MLLT3: variants seen among roughly 807,000 people sequenced by gnomAD.
MLLT3 encodes MLLT3 super elongation complex subunit.
Under a neutral mutation model 53.2 loss-of-function variants are expected in MLLT3, and 4 were observed. The ratio of observed to expected loss-of-function variants is 0.08; its 90% CI spans 0.04 to 0.17. The LOEUF is 0.17. Ranked by LOEUF, MLLT3 falls within the 10% of genes least tolerant of loss-of-function variation. The pLI is 1.00. For synonymous variants in MLLT3, 283 were observed against 230.6 expected (o/e 1.23, Z -2.06); for missense variants, 569 against 684.0 (o/e 0.83, Z 1.87).
chr9:20,372,477 A>G (rs1365424008), intron 5 of MLLT3, among the ~76,000 whole-genome samples: 1 of 151,524 alleles, frequency 6.6e-6, no homozygotes, highest in Non-Finnish European at 1.5e-5. Context: ...GGCTCACTGC[A>G]AGTTCGTTCA....
intron 5 of MLLT3, among the ~76,000 whole-genome samples, chr9:20,393,570 G>C (rs986245152): frequency 1.3e-5 from 2 of 152,162 alleles, no homozygotes; most frequent in African/African-American, 4.8e-5. Flanking sequence ...TTAAATACAG[G>C]TCTGAATGTT....
At chr9:20,436,704 C>T (rs1482769188) in intron 4 of MLLT3, among the ~76,000 whole-genome samples, 2 of 152,128 alleles carry the variant, frequency 1.3e-5, no homozygotes, top group Non-Finnish European at 2.9e-5. Context: ...TGACTGATTT[C>T]AGTATTTGAT....
At chr9:20,458,992 T>C (rs1260101143) in intron 2 of MLLT3, among the ~76,000 whole-genome samples, 3 of 152,096 alleles carry the variant, frequency 2.0e-5, no homozygotes, top group Non-Finnish European at 4.4e-5. Context: ...CAGCCCTGGA[T>C]TGAATATTCT....
chr9:20,470,200 GA>G (rs150819069), intron 2 of MLLT3, among the ~76,000 whole-genome samples: 17,549 of 151,846 alleles, frequency 0.12, 1,397 homozygotes, highest in East Asian at 0.2. Flanking sequence ...CTTCAAAATG[GA>G]AATACAAACT....
chr9:20,460,970 G>T (rs370752489), intron 2 of MLLT3, among the ~76,000 whole-genome samples: 1 of 152,148 alleles, frequency 6.6e-6, no homozygotes, highest in African/African-American at 2.4e-5. Context: ...TGGGCCAGAA[G>T]ATCTCTAAGG....
At chr9:20,527,937 G>C (rs1818242916) in intron 2 of MLLT3, among the ~76,000 whole-genome samples, 1 of 152,174 alleles carries the variant, frequency 6.6e-6, no homozygotes, top group African/African-American at 2.4e-5. Flanking sequence ...CAGAAATGAG[G>C]AAAGTGTTAC....
intron 2 of MLLT3, among the ~76,000 whole-genome samples, chr9:20,526,040 T>A (rs772930245): frequency 1.3e-5 from 2 of 152,050 alleles, no homozygotes; most frequent in African/African-American, 4.8e-5. Flanking sequence ...ATGTTCAAGA[T>A]CAGAAAATAC....
At chr9:20,536,803 T>C (rs1294089522) in intron 2 of MLLT3, among the ~76,000 whole-genome samples, 2 of 151,544 alleles carry the variant, frequency 1.3e-5, no homozygotes, top group Non-Finnish European at 2.9e-5. Flanking sequence ...CTATTTTTTC[T>C]CCACTCCAGT....
At chr9:20,359,216 C>T (rs912632403) in intron 8 of MLLT3, among the ~76,000 whole-genome samples, 1 of 146,790 alleles carries the variant, frequency 6.8e-6, no homozygotes, top group African/African-American at 2.5e-5. Context: ...CTAGTTCTCA[C>T]TGAAGCACAA....
intron 4 of MLLT3, among the ~76,000 whole-genome samples, chr9:20,425,290 T>A (rs757677363): frequency 6.6e-6 from 1 of 152,154 alleles, no homozygotes; most frequent in South Asian, 2.1e-4. Flanking sequence ...GCATAGCATA[T>A]AGTTAGGAAA....
At chr9:20,347,650 G>A (rs527631917) in intron 10 of MLLT3, among the ~76,000 whole-genome samples, 8 of 152,246 alleles carry the variant, frequency 5.3e-5, no homozygotes, top group Non-Finnish European at 7.4e-5. Context: ...TATCTGGGCA[G>A]TGTATTGGGC....
chr9:20,458,864 T>C (rs1824038748), intron 2 of MLLT3, among the ~76,000 whole-genome samples: 1 of 152,164 alleles, frequency 6.6e-6, no homozygotes, highest in Admixed American at 6.5e-5. Flanking sequence ...AGTAAGTGAC[T>C]GAAGCCAGGG....
At position 20,570,023 on chromosome 9, in the gene MLLT3, T is replaced by C. The variant is rs368140325; in HGVS notation, c.193+50631A>G. 5.1e-4 allele frequency among the ~76,000 whole-genome samples: 77 copies of C among 152,326 alleles called. 2 individuals carry two copies. The South Asian group carries it at 0.016, about 31-fold the overall frequency. On this transcript the variant is annotated intron_variant, in intron 2 of 10. Transcript: ENST00000380338. ...AACACAACAGCATCTATTCTATAAA[T>C]GAAAGATCCTCAAACTGTGGGGATT...
At chr9:20,437,447 G>T (rs754499265) in intron 4 of MLLT3, among the ~76,000 whole-genome samples, 21 of 152,038 alleles carry the variant, frequency 1.4e-4, no homozygotes, top group Non-Finnish European at 2.4e-4. Flanking sequence ...TAAAAAAGAA[G>T]AGATTTCAGA....
At chr9:20,531,799 G>T (rs142266378) in intron 2 of MLLT3, among the ~76,000 whole-genome samples, 1 of 152,188 alleles carries the variant, frequency 6.6e-6, no homozygotes, top group Non-Finnish European at 1.5e-5. Flanking sequence ...GGGAAAGGAT[G>T]ATTTGAAGAC....
At chr9:20,450,104 G>A (rs957780021) in intron 3 of MLLT3, among the ~76,000 whole-genome samples, 3 of 152,064 alleles carry the variant, frequency 2.0e-5, no homozygotes, top group Non-Finnish European at 2.9e-5. Context: ...CTGTTATCTT[G>A]GAATACAGCA....
intron 2 of MLLT3, among the ~76,000 whole-genome samples, chr9:20,543,405 T>C (rs117444722): frequency 6.6e-6 from 1 of 152,342 alleles, no homozygotes; most frequent in African/African-American, 2.4e-5. Context: ...TACATGGGTA[T>C]GGCTTATGGT....
At chr9:20,542,508 C>T (rs10117645) in intron 2 of MLLT3, among the ~76,000 whole-genome samples, 64,189 of 151,920 alleles carry the variant, frequency 0.42, 14,140 homozygotes, top group South Asian at 0.51. Flanking sequence ...CCTCGGCCTC[C>T]CAAAGTGCTG....
At chr9:20,514,939 A>ATTTTTTTT (rs35816235) in intron 2 of MLLT3, among the ~76,000 whole-genome samples, 1 of 88,734 alleles carries the variant, frequency 1.1e-5, no homozygotes, top group African/African-American at 5.0e-5. Flanking sequence ...TGAAGGAACA[A>ATTTTTTTT]TTTTTTTTTT....
Sources: allele counts gnomAD v4.1 joint callset (sites outside exome capture counted in the v4.1 genomes callset), GRCh38; gene constraint gnomAD v4.1.1; transcripts MANE v1.5; gene names NCBI Gene and HGNC (gene_info 2026-07-23, HGNC 2026-07-21).